POLE2: variants seen among roughly 807,000 people sequenced by gnomAD.
POLE2 encodes DNA polymerase epsilon 2, accessory subunit.
A neutral mutation model predicts 79.4 loss-of-function variants in POLE2; 56 were observed. That is an observed-to-expected ratio of 0.71 (90% confidence interval 0.57 to 0.88). The LOEUF (loss-of-function observed/expected upper bound fraction) is 0.88, where lower values mean the gene tolerates loss of function less well. POLE2 is among the 40% of genes least tolerant of loss of function. The pLI is 0.00. For missense variants in POLE2, 598 were observed against 638.9 expected, an observed-to-expected ratio of 0.94 and a Z score of 0.69; for synonymous variants, 212 against 214.0, an observed-to-expected ratio of 0.99 and a Z score of 0.08.
rs1489479295 is a variant in POLE2, at chr14:49,664,672, C to G, written c.636G>C (p.Gln212His). ...CCTCTGTGTATAAACCACTATGGAA[C>G]TGGTACACAACAGTTGAGGAAAATA... ...GTVQLDLSKA[Q>H]FHSGLYTEAC... Residue 212 changes from glutamine to histidine, a missense_variant and splice_region_variant, in exon 9 of 19, where the codon CAG becomes CAC. Physicochemically the swap from Gln to His is conservative, Grantham distance 24. Transcript: ENST00000216367. The G allele has an allele frequency of 4.4e-6, 7 of 1,580,422 alleles. No individual in the cohort carries two copies. Among genetic ancestry groups the G allele is most frequent in the Non-Finnish European group, 6.1e-6 (7 of 1,149,636 alleles).
rs139761811 is a variant in POLE2, at chr14:49,686,526, G to A, written c.68+1610C>T. On this transcript the variant is annotated intron_variant, in intron 1 of 18. Coordinates refer to ENST00000216367, the MANE Select transcript of POLE2 (RefSeq NM_002692.4). ...AACCTTGTGAAAAGACCCTGAAGTT[G>A]AGGACCCAACTAAGCCACACCTGAA... Among the ~76,000 whole-genome samples the A allele has an allele frequency of 2.8e-4, 42 of 152,288 alleles. 1 individual carries two copies. Among genetic ancestry groups the A allele is most frequent in the Admixed American group, 2.3e-3 (35 of 15,280 alleles).
At chr14:49,646,113 C>T (rs190843657) in intron 18 of POLE2, among the ~76,000 whole-genome samples, 4 of 152,200 alleles carry the variant, frequency 2.6e-5, no homozygotes, top group Admixed American at 6.5e-5. Flanking sequence ...AGAGCCACAG[C>T]GTCTGGCCTC....
chr14:49,654,318 C>T lies in POLE2; in HGVS notation c.1074-104G>A, dbSNP rs562975683. ...TTGTTTTCTCTTTAAAATTAAAAAA[C>T]ATTTAAATTTCATGCATTATAATAA... On this transcript the variant is annotated intron_variant, in intron 13 of 18. Coordinates refer to ENST00000216367, the MANE Select transcript of POLE2 (RefSeq NM_002692.4). 3.9e-3 allele frequency: 3,047 copies of T among 788,702 alleles called. 12 individuals are homozygous for T. Among genetic ancestry groups the T allele is most frequent in the Non-Finnish European group, 5.4e-3 (2,622 of 486,912 alleles). The allele number at this position is 788,702 out of a possible 1,614,324, so 48.9% of individuals were successfully genotyped here. A position where few individuals can be genotyped will look rare whatever the true frequency, so the allele number is the denominator to read the frequency against.
In POLE2 at chr14:49,674,376, G is replaced by T; in HGVS notation, c.297C>A (p.Tyr99Ter). The T allele has an allele frequency of 6.2e-7, 1 of 1,609,450 alleles. No homozygotes were observed. Among genetic ancestry groups the T allele is most frequent in the Non-Finnish European group, 8.5e-7 (1 of 1,176,214 alleles). The change falls in exon 4 of 19, where the codon TAC becomes TAA. Residue 99 changes from tyrosine to a stop codon, truncating the protein, a stop_gained. Transcript: ENST00000216367. LOFTEE classifies it high-confidence loss of function. ...IGAFDIPRFV[Y>*]NSERKKFLPL... ...GAAGAAATTTTTTTCTTTCTGAATT[G>T]TACACAAAGCGTGGAATATCAAATG...
At chr14:49,644,973 T>TGG (rs1883653822) in intron 18 of POLE2, among the ~76,000 whole-genome samples, 1 of 147,608 alleles carries the variant, frequency 6.8e-6, no homozygotes, top group South Asian at 2.1e-4. Context: ...ACCCAAGAGA[T>TGG]GGAGGTTGCA....
intron 3 of POLE2, among the ~76,000 whole-genome samples, chr14:49,676,329 A>G (rs1329994051): frequency 6.6e-6 from 1 of 152,254 alleles, no homozygotes; most frequent in Non-Finnish European, 1.5e-5. Context: ...TGATCAAAAA[A>G]GATTCATGCT....
At chr14:49,657,441 TTTC>T (rs1379397017) in intron 10 of POLE2, among the ~76,000 whole-genome samples, 2 of 151,974 alleles carry the variant, frequency 1.3e-5, no homozygotes, top group African/African-American at 4.8e-5. Flanking sequence ...TTTTTTTTTT[TTTC>T]TTTTTTTTGA....
chr14:49,666,061 G>C (rs1885466263), intron 7 of POLE2, among the ~76,000 whole-genome samples: 1 of 152,110 alleles, frequency 6.6e-6, no homozygotes, highest in African/African-American at 2.4e-5. Context: ...CCCGGCCTCA[G>C]GTGATCCGCC....
intron 18 of POLE2, among the ~76,000 whole-genome samples, chr14:49,646,335 TGAGATA>T (rs1204216897): frequency 3.1e-4 from 39 of 125,240 alleles, no homozygotes; most frequent in African/African-American, 1.2e-3. Context: ...TTTTTTTTTT[TGAGATA>T]GAGTCTCACT....
chr14:49,659,944 C>G (rs1884981088), intron 10 of POLE2, among the ~76,000 whole-genome samples: 1 of 152,042 alleles, frequency 6.6e-6, no homozygotes, highest in Non-Finnish European at 1.5e-5. Context: ...TTAGTGTAGC[C>G]TAAGTATACA....
intron 7 of POLE2, among the ~76,000 whole-genome samples, chr14:49,665,616 G>A (rs538293262): frequency 6.6e-6 from 1 of 151,598 alleles, no homozygotes; most frequent in South Asian, 2.1e-4. Context: ...GTCTTCTCAG[G>A]AAACCAAACA....
Position 49,664,675 on chromosome 14 carries a change from G to C in POLE2, c.634-1C>G, listed in dbSNP as rs770976244. 6.4e-7 allele frequency: 1 copy of C among 1,567,918 alleles called. No individual in the cohort carries two copies. Among genetic ancestry groups the C allele is most frequent in the South Asian group, 1.1e-5 (1 of 89,928 alleles). ...CTGTGTATAAACCACTATGGAACTG[G>C]TACACAACAGTTGAGGAAAATAATT... On this transcript the variant is annotated splice_acceptor_variant, in intron 8 of 18. Transcript: ENST00000216367. LOFTEE classifies it high-confidence loss of function.
At chr14:49,646,297 T>TGTTG (rs1883753773) in intron 18 of POLE2, among the ~76,000 whole-genome samples, 1 of 145,950 alleles carries the variant, frequency 6.9e-6, no homozygotes, top group Non-Finnish European at 1.5e-5. Context: ...GTTGTTTTTT[T>TGTTG]GTTGGTTTTT....
chr14:49,679,772 C>G lies in POLE2; in HGVS notation c.198G>C (p.Val66=). The part of the protein sequence containing the change: ...PLSSNMIERS[V]VEAAVQECSQ... The stretch of plus-strand genomic sequence containing the variant: ...TGCATTCCTGGACTGCTGCTTCCAC[C>G]ACAGATCGTTCAATCATGTTTGATG... Residue 66 remains valine, a synonymous_variant, in exon 3 of 19, where the codon GTG becomes GTC. Transcript: ENST00000216367. 6.2e-7 allele frequency: 1 copy of G among 1,604,982 alleles called. No individual in the cohort carries two copies. Among genetic ancestry groups the G allele is most frequent in the Non-Finnish European group, 8.5e-7 (1 of 1,172,360 alleles).
At chr14:49,675,288 T>G (rs1331045763) in intron 3 of POLE2, among the ~76,000 whole-genome samples, 1 of 151,828 alleles carries the variant, frequency 6.6e-6, no homozygotes, top group Non-Finnish European at 1.5e-5. Flanking sequence ...TTCTTTATGT[T>G]GGTCAGGCTG....
chr14:49,674,432 A>G lies in POLE2; in HGVS notation c.246-5T>C. ...ATGATATTGAAAACGTGCTCTCTGAAAAACATCCCACAAAATACAGACCTG... is the reference window on the plus strand; with the variant it reads ...ATGATATTGAAAACGTGCTCTCTGAGAAACATCCCACAAAATACAGACCTG... On this transcript the variant is annotated splice_region_variant and splice_polypyrimidine_tract_variant and intron_variant, in intron 3 of 18. Coordinates refer to ENST00000216367, the MANE Select transcript of POLE2 (RefSeq NM_002692.4). 1 of 1,582,380 alleles carries G rather than the reference A, an allele frequency of 6.3e-7. No homozygotes were observed. The highest frequency in any genetic ancestry group is 8.7e-7 in the Non-Finnish European group (1 of 1,152,826).
intron 18 of POLE2, 23 bp from the exon 19 acceptor site, chr14:49,643,693 A>C (rs752457334): frequency 8.1e-7 from 1 of 1,236,890 alleles, no homozygotes; most frequent in South Asian, 1.3e-5. Context: ...AAAAAAATTA[A>C]ATATTTGGAA....
intron 3 of POLE2, chr14:49,677,899 G>C (rs1886400246): frequency 2.9e-6 from 1 of 348,314 alleles, no homozygotes; most frequent in South Asian, 1.3e-4. Context: ...TCTGAACAAA[G>C]CAGTGGCCAT....
intron 1 of POLE2, chr14:49,684,703 G>A (rs996442008): frequency 4.6e-5 from 7 of 150,606 alleles, no homozygotes; most frequent in African/African-American, 9.8e-5. Flanking sequence ...TGGGCACGCG[G>A]TGGCTCACGC....
Sources: gnomAD v4.1 joint callset for allele counts (sites outside exome capture counted in the v4.1 genomes callset) on GRCh38, gnomAD v4.1.1 for gene constraint, MANE v1.5 for transcripts, NCBI Gene and HGNC (gene_info 2026-07-23, HGNC 2026-07-21) for gene names.